Variants in PDE1C observed in about 807,000 individuals in gnomAD.
PDE1C encodes dual specificity calcium/calmodulin-dependent 3',5'-cyclic nucleotide phosphodiesterase 1C.
Under a neutral mutation model 93.1 loss-of-function variants are expected in PDE1C, and 62 were observed. The ratio of observed to expected loss-of-function variants is 0.67; its 90% CI spans 0.54 to 0.82. The LOEUF (loss-of-function observed/expected upper bound fraction) is 0.82. Among genes scored for constraint, PDE1C ranks in the 40% least tolerant of loss-of-function variants. The probability of loss-of-function intolerance (pLI) is 0.00; values close to 1 mark genes in which losing one functional copy is unlikely to be tolerated. For missense variants in PDE1C, 742 were observed against 884.6 expected, an observed-to-expected ratio of 0.84 and a Z score of 2.04; for synonymous variants, 325 against 310.1, an observed-to-expected ratio of 1.05 and a Z score of -0.50.
intron 1 of PDE1C, among the ~76,000 whole-genome samples, chr7:32,329,536 AGAG>A (rs935370675): frequency 6.6e-6 from 1 of 152,024 alleles, no homozygotes; most frequent in Non-Finnish European, 1.5e-5. Flanking sequence ...CCTTTTCCAC[AGAG>A]GTATGGCAGC....
the PDE1C span, among the ~76,000 whole-genome samples, chr7:31,732,489 A>G: frequency 6.6e-6 from 1 of 152,326 alleles, no homozygotes; most frequent in East Asian, 1.9e-4. Flanking sequence ...TTCCTGAAGA[A>G]GAAATTTGAC....
intron 3 of PDE1C, among the ~76,000 whole-genome samples, chr7:32,091,676 C>T (rs58057425): frequency 3.9e-4 from 59 of 151,954 alleles, no homozygotes; most frequent in Non-Finnish European, 4.3e-4. Context: ...TAAGAAATGA[C>T]GCTGGAGAGA....
chr7:31,700,383 T>C, the PDE1C span, among the ~76,000 whole-genome samples: 122 of 152,302 alleles, frequency 8.0e-4, 1 homozygote, highest in East Asian at 0.022. Flanking sequence ...TCTTCAGTTA[T>C]ATGAAGGTTG....
the PDE1C span, among the ~76,000 whole-genome samples, chr7:31,679,577 A>G: frequency 6.6e-6 from 1 of 152,214 alleles, no homozygotes; most frequent in Admixed American, 6.5e-5. Flanking sequence ...TTCAAATGTG[A>G]TATCCTCTCA....
the PDE1C span, among the ~76,000 whole-genome samples, chr7:31,676,511 T>G: frequency 4.0e-5 from 6 of 151,666 alleles, no homozygotes; most frequent in Non-Finnish European, 1.5e-5. Context: ...AACAAAAAAA[T>G]GAAAACATTG....
chr7:31,785,745 G>A (rs762312921), intron 16 of PDE1C: 1 of 152,112 alleles, frequency 6.6e-6, no homozygotes, highest in African/African-American at 2.4e-5. Flanking sequence ...CAGATAAACT[G>A]TCTAATGCAA....
At chr7:32,154,837 G>A (rs1183298341) in intron 3 of PDE1C, among the ~76,000 whole-genome samples, 2 of 152,244 alleles carry the variant, frequency 1.3e-5, no homozygotes, top group Non-Finnish European at 2.9e-5. Flanking sequence ...AGGCAAATGT[G>A]TGGCAGACAT....
At chr7:31,880,546 T>G (rs1797114636) in intron 3 of PDE1C, among the ~76,000 whole-genome samples, 1 of 152,208 alleles carries the variant, frequency 6.6e-6, no homozygotes, top group Non-Finnish European at 1.5e-5. Flanking sequence ...AGATTTGTTC[T>G]ATTAGCTCCT....
the PDE1C span, chr7:31,644,040 G>A: frequency 7.7e-7 from 1 of 1,303,850 alleles, no homozygotes; most frequent in African/African-American, 1.5e-5. Context: ...CTTGCTGAAT[G>A]CAAGATCTCA....
At chr7:32,142,921 T>C (rs1454571898) in intron 3 of PDE1C, among the ~76,000 whole-genome samples, 1 of 151,826 alleles carries the variant, frequency 6.6e-6, no homozygotes, top group Non-Finnish European at 1.5e-5. Flanking sequence ...ACCAAAACAT[T>C]TTAGGGTAGT....
At chr7:32,220,018 A>T (rs1806725238) in intron 1 of PDE1C, among the ~76,000 whole-genome samples, 1 of 151,950 alleles carries the variant, frequency 6.6e-6, no homozygotes. Flanking sequence ...ATTCTCTCTT[A>T]TCTGCCACCA....
At chr7:32,387,493 C>T (rs1261633926) in intron 1 of PDE1C, among the ~76,000 whole-genome samples, 249 of 147,420 alleles carry the variant, frequency 1.7e-3, no homozygotes, top group Non-Finnish European at 1.8e-3. Context: ...GGCGGCTGGC[C>T]GGGCGGGGGG....
the PDE1C span, chr7:31,708,157 G>C: frequency 2.6e-5 from 4 of 152,164 alleles, no homozygotes; most frequent in Non-Finnish European, 5.9e-5. Context: ...GGATGAGAGG[G>C]GAGAGTGTGG....
At chr7:31,908,590 C>T (rs187725279) in intron 2 of PDE1C, among the ~76,000 whole-genome samples, 1 of 152,298 alleles carries the variant, frequency 6.6e-6, no homozygotes, top group Non-Finnish European at 1.5e-5. Flanking sequence ...TGACTTTGCA[C>T]TGATAACCTC....
chr7:32,224,262 A>G (rs1205242718), intron 1 of PDE1C, among the ~76,000 whole-genome samples: 1 of 152,102 alleles, frequency 6.6e-6, no homozygotes, highest in African/African-American at 2.4e-5. Context: ...AATCCCAGCT[A>G]CTCAGGAGGC....
At position 32,299,038 on chromosome 7, in the gene PDE1C, G is replaced by T. The variant is rs928869993; in HGVS notation, c.-303C>A. The T allele has an allele frequency of 1.5e-4, 181 of 1,191,744 alleles. 1 individual carries two copies. The highest frequency in any genetic ancestry group is 2.4e-4 in the Admixed American group (5 of 20,504). The allele number at this position is 1,191,744 out of a possible 1,614,324, so 73.8% of individuals were successfully genotyped here. A position where few individuals can be genotyped will look rare whatever the true frequency, so the allele number is the denominator to read the frequency against. On this transcript the variant is annotated 5_prime_UTR_variant, in exon 1 of 19. Transcript: ENST00000396193. ...GAAGGGAGGACGCGCGCCCGAGCGC[G>T]TGGACGGGGCTGACCGGTGGGCGCG... is the stretch of plus-strand genomic sequence containing the variant.
chr7:31,674,642 A>G, the PDE1C span, among the ~76,000 whole-genome samples: 50 of 152,336 alleles, frequency 3.3e-4, 1 homozygote, highest in African/African-American at 1.2e-3. Context: ...CTTTACTTAT[A>G]ACAGAAAGAG....
At chr7:32,356,927 C>T (rs1784041803) in intron 1 of PDE1C, among the ~76,000 whole-genome samples, 1 of 152,010 alleles carries the variant, frequency 6.6e-6, no homozygotes, top group Non-Finnish European at 1.5e-5. Flanking sequence ...ATGAAGACTC[C>T]TCGAGGGGAC....
chr7:32,412,688 G>T (rs1785195784), intron 1 of PDE1C, among the ~76,000 whole-genome samples: 1 of 88,090 alleles, frequency 1.1e-5, no homozygotes, highest in Non-Finnish European at 2.2e-5. Context: ...ACATACATAT[G>T]CAGTCCATCA....
Sources: allele counts gnomAD v4.1 joint callset (sites outside exome capture counted in the v4.1 genomes callset), GRCh38; gene constraint gnomAD v4.1.1; transcripts MANE v1.5; gene names NCBI Gene and HGNC (gene_info 2026-07-23, HGNC 2026-07-21).